Variants in TRIM33 observed in about 807,000 individuals in gnomAD.
TRIM33 encodes E3 ubiquitin-protein ligase TRIM33.
In TRIM33, 20 loss-of-function variants were observed where a neutral mutation model predicts 125.4. The ratio of observed to expected loss-of-function variants is 0.16; its 90% confidence interval spans 0.11 to 0.23. The LOEUF (loss-of-function observed/expected upper bound fraction) is 0.23. Ranked by LOEUF, TRIM33 falls within the 10% of genes least tolerant of loss-of-function variation. The pLI, the probability that TRIM33 is intolerant of heterozygous loss-of-function variation, is 1.00. For synonymous variants in TRIM33, 564 were observed against 513.9 expected (o/e 1.10, Z -1.32); for missense variants, 920 against 1,411.4 (o/e 0.65, Z 5.58).
At chr1:114,437,218 A>C (rs372487232) in intron 4 of TRIM33, among the ~76,000 whole-genome samples, 1 of 152,242 alleles carries the variant, frequency 6.6e-6, no homozygotes, top group East Asian at 1.9e-4. Context: ...AATTTTCTTT[A>C]ATCAAAATTA....
At chr1:114,474,111 G>A (rs1557887050) in intron 1 of TRIM33, among the ~76,000 whole-genome samples, 1 of 152,018 alleles carries the variant, frequency 6.6e-6, no homozygotes, top group Non-Finnish European at 1.5e-5. Context: ...ATATCACCCA[G>A]GCGGGTCTCA....
intron 5 of TRIM33, among the ~76,000 whole-genome samples, chr1:114,433,178 T>G (rs1000722397): frequency 2.0e-5 from 3 of 152,242 alleles, no homozygotes; most frequent in Non-Finnish European, 4.4e-5. Context: ...GCTTACTATG[T>G]ACCAGAAACT....
At chr1:114,486,813 T>A (rs1020212292) in intron 1 of TRIM33, among the ~76,000 whole-genome samples, 3 of 151,626 alleles carry the variant, frequency 2.0e-5, no homozygotes, top group Non-Finnish European at 4.4e-5. Context: ...ACAGGCCGGG[T>A]GCAGTGGCTC....
In TRIM33 at chr1:114,413,628, TAA is replaced by T. The variant is rs34538412; in HGVS notation, c.2062-3314_2062-3313del. Among the ~76,000 whole-genome samples, 86 of 50,846 alleles carry T rather than the reference TAA, an allele frequency of 1.7e-3. 1 individual carries two copies. The highest frequency in any genetic ancestry group is 6.9e-3 in the African/African-American group (82 of 11,842). 33.4% of individuals were successfully genotyped at this position (50,846 alleles called of 152,430 possible). Reference sequence around the variant, plus strand: ...AAGAAAAAGTCCAAAAGCAAAACTGTAAAAAAAAAAAAAAAAAAAAAAAAGGT... The same window carrying T: ...AAGAAAAAGTCCAAAAGCAAAACTGTAAAAAAAAAAAAAAAAAAAAAAGGT... On this transcript the variant is annotated intron_variant, in intron 11 of 19. Coordinates refer to ENST00000358465, the MANE Select transcript of TRIM33 (RefSeq NM_015906.4).
At chr1:114,460,946 T>C (rs1245639559) in intron 4 of TRIM33, among the ~76,000 whole-genome samples, 1 of 152,066 alleles carries the variant, frequency 6.6e-6, no homozygotes, top group Non-Finnish European at 1.5e-5. Context: ...GTAAGTTAAA[T>C]GCTTCCCTGA....
intron 1 of TRIM33, among the ~76,000 whole-genome samples, chr1:114,467,709 C>A (rs1650388530): frequency 6.6e-6 from 1 of 152,166 alleles, no homozygotes; most frequent in Non-Finnish European, 1.5e-5. Flanking sequence ...TTTCCATTAA[C>A]CATTTATGAT....
In TRIM33 at chr1:114,405,533, T is replaced by C; in HGVS notation, c.2645A>G (p.Asp882Gly). Residue 882 changes from aspartate to glycine, a missense_variant, in exon 15 of 20, where the codon GAT becomes GGT. By Grantham distance (94) the Asp-to-Gly change is moderately conservative (BLOSUM62 -1). Transcript: ENST00000358465. The stretch of plus-strand genomic sequence containing the variant: ...ACACCAGTCTTCATTTGGGTCATCA[T>C]CTTTATTGTTGCCATCTCCTCCAAT... ...ARIGGDGNNK[D>G]DDPNEDWCAV... The C allele has an allele frequency of 1.2e-6, 2 of 1,614,226 alleles. No individual in the cohort carries two copies. Among genetic ancestry groups the C allele is most frequent in the Non-Finnish European group, 1.7e-6 (2 of 1,180,034 alleles).
rs1360552651 is a variant in TRIM33 at position 114,394,830 on chromosome 1, G to A, written c.*2818C>T. 4 of 196,144 alleles carry A rather than the reference G, an allele frequency of 2.0e-5. No homozygotes were observed. Among genetic ancestry groups the A allele is most frequent in the African/African-American group, 9.2e-5 (4 of 43,252 alleles). 12.2% of individuals were successfully genotyped at this position (196,144 alleles called of 1,614,324 possible). On this transcript the variant is annotated 3_prime_UTR_variant, in exon 20 of 20. Transcript: ENST00000358465. ...CTGAAAACACAAATTTAGGTCAGCG[G>A]AACAGACTGAGCAACACTTTGTTCT...
In TRIM33 at chr1:114,427,778, G is replaced by A; in HGVS notation, c.1272C>T (p.Ser424=). 6.2e-7 allele frequency: 1 copy of A among 1,614,108 alleles called. No homozygotes were observed. Among genetic ancestry groups the A allele is most frequent in the South Asian group, 1.1e-5 (1 of 91,078 alleles). Reference sequence around the variant, plus strand: ...GCTTGCTGTATAGTAGTGCTGTGCTGCTGCCACTTGCAATTGCCCAATTTG... The same window carrying A: ...GCTTGCTGTATAGTAGTGCTGTGCTACTGCCACTTGCAATTGCCCAATTTG... ...NFTNWAIASG[S]STALLYSKRL... The change falls in exon 7 of 20, where the codon AGC becomes AGT. Residue 424 remains serine, a synonymous_variant. Transcript: ENST00000358465.
At chr1:114,444,944 T>G (rs1648883188) in intron 4 of TRIM33, among the ~76,000 whole-genome samples, 1 of 151,992 alleles carries the variant, frequency 6.6e-6, no homozygotes, top group South Asian at 2.1e-4. Flanking sequence ...AGGTTCTTAG[T>G]GAACAAACTG....
chr1:114,404,255 T>G (rs1249768394), intron 15 of TRIM33: 1 of 151,264 alleles, frequency 6.6e-6, no homozygotes, highest in Non-Finnish European at 1.5e-5. Flanking sequence ...CTGGCTCAGC[T>G]CTCCGAGTAA....
chr1:114,438,750 T>C (rs1384847015), intron 4 of TRIM33, among the ~76,000 whole-genome samples: 2 of 152,214 alleles, frequency 1.3e-5, no homozygotes, highest in African/African-American at 2.4e-5. Flanking sequence ...AGAATTAAAC[T>C]GGTCAAAACA....
At chr1:114,404,650 A>C (rs1652117710) in intron 15 of TRIM33, 1 of 152,170 alleles carries the variant, frequency 6.6e-6, no homozygotes, top group Non-Finnish European at 1.5e-5. Flanking sequence ...AAATAACTCT[A>C]TCTCCAAAGA....
intron 5 of TRIM33, among the ~76,000 whole-genome samples, chr1:114,433,097 A>T (rs1648064169): frequency 6.6e-6 from 1 of 152,208 alleles, no homozygotes; most frequent in African/African-American, 2.4e-5. Context: ...AATATACCAA[A>T]GTAGAATACT....
At chr1:114,431,451 C>A (rs1647945137) in intron 5 of TRIM33, among the ~76,000 whole-genome samples, 1 of 152,180 alleles carries the variant, frequency 6.6e-6, no homozygotes, top group African/African-American at 2.4e-5. Context: ...GGGCATAAAA[C>A]ATTTTCAATC....
rs912164645 is a variant in TRIM33 at position 114,510,939 on chromosome 1, C to G, written c.138G>C (p.Glu46Asp). 1 of 1,420,938 alleles carries G rather than the reference C, an allele frequency of 7.0e-7. No individual in the cohort carries two copies. The highest frequency in any genetic ancestry group is 9.2e-7 in the Non-Finnish European group (1 of 1,090,720). The allele number at this position is 1,420,938 out of a possible 1,614,324, so 88.0% of individuals were successfully genotyped here. A position where few individuals can be genotyped will look rare whatever the true frequency, so the allele number is the denominator to read the frequency against. Residue 46 changes from glutamate (E) to aspartate (D), a missense_variant, in exon 1 of 20, where the codon GAG becomes GAC. Around this residue, in one of 8 missense-constraint regions of TRIM33, gnomAD observed 233 missense variants for 189.6 expected, o/e 1.23. Transcript: ENST00000358465. Reference sequence around the variant, plus strand: ...CGCCGGCCCTGCCGCCTTCCTCCTCCTCCTCCTCCACCAGCACCGCGGTGA... The same window carrying G: ...CGCCGGCCCTGCCGCCTTCCTCCTCGTCCTCCTCCACCAGCACCGCGGTGA... ...PPLTAVLVEE[E>D]EEEGGRAGAE...
Position 114,444,311 on chromosome 1 carries a change from G to C in TRIM33, c.924-10578C>G, listed in dbSNP as rs976376184. ...GTCAAAGTCTGGGCTATATATGACA[G>C]GGTGAGATTACACAAAGTTTAGCAG... On this transcript the variant is annotated intron_variant, in intron 4 of 19. Transcript: ENST00000358465. Among the ~76,000 whole-genome samples, 4 of 152,288 alleles carry C rather than the reference G, an allele frequency of 2.6e-5. No individual in the cohort carries two copies. In the East Asian group the frequency reaches 7.7e-4, roughly 29 times the overall value.
chr1:114,441,093 C>T (rs1051318950), intron 4 of TRIM33, among the ~76,000 whole-genome samples: 12 of 152,190 alleles, frequency 7.9e-5, no homozygotes, highest in East Asian at 1.9e-4. Flanking sequence ...GGATCGCTTG[C>T]GGCCTGAAGT....
Position 114,393,337 on chromosome 1 carries a change from T to C in TRIM33, c.*4311A>G, listed in dbSNP as rs1008626006. 4.5e-5 allele frequency: 9 copies of C among 199,700 alleles called. No homozygotes were observed. The highest frequency in any genetic ancestry group is 1.9e-4 in the South Asian group (1 of 5,244). 12.4% of individuals were successfully genotyped at this position (199,700 alleles called of 1,614,324 possible). The stretch of plus-strand genomic sequence containing the variant: ...CATTTTTCAGAACAAGGAGCAGACA[T>C]GCATTCCATCCTTAAGATTGAAATT... On this transcript the variant is annotated 3_prime_UTR_variant, in exon 20 of 20. Coordinates refer to ENST00000358465, the MANE Select transcript of TRIM33 (RefSeq NM_015906.4).
Sources: allele counts gnomAD v4.1 joint callset (sites outside exome capture counted in the v4.1 genomes callset), GRCh38; gene constraint gnomAD v4.1.1; regional missense constraint gnomAD v4.1.1; transcripts MANE v1.5; gene names NCBI Gene and HGNC (gene_info 2026-07-23, HGNC 2026-07-21).